CFAP54: variants seen among roughly 807,000 people sequenced by gnomAD.
The protein encoded by CFAP54 is cilia and flagella associated protein 54.
In CFAP54, 290 loss-of-function variants were observed where a neutral mutation model predicts 370.4. That is an observed-to-expected ratio of 0.78 (90% confidence interval 0.71 to 0.86). The LOEUF is 0.86. Ranked by LOEUF, CFAP54 falls within the 40% of genes least tolerant of loss-of-function variation. CFAP54 has a pLI of 0.00. For missense variants in CFAP54, 3,399 were observed against 3,528.7 expected (o/e 0.96, Z 0.93); for synonymous variants, 1,206 against 1,236.5 (o/e 0.98, Z 0.52).
intron 60 of CFAP54, among the ~76,000 whole-genome samples, chr12:96,776,242 T>A (rs1958517540): frequency 2.0e-5 from 3 of 152,046 alleles, no homozygotes; most frequent in Non-Finnish European, 4.4e-5. Flanking sequence ...GGTTCAACTT[T>A]AAGCAAATTT....
rs142336220 is a variant in CFAP54, at chr12:96,795,155, A to T, written c.8850+2656A>T. Among the ~76,000 whole-genome samples the T allele has an allele frequency of 3.4e-3, 523 of 152,294 alleles. 4 individuals are homozygous for T. The highest frequency in any genetic ancestry group is 0.012 in the African/African-American group (495 of 41,574). On this transcript the variant is annotated intron_variant, in intron 63 of 67. Transcript: ENST00000524981. ...TCTGGTGGAGGTAGTAGGGGAGTGA[A>T]GTGGATTCTGTGAAGGTCCTTGATT...
At chr12:96,594,220 C>T in intron 24 of CFAP54, 71 bp from the exon 25 acceptor site, 1 of 1,062,736 alleles carries the variant, frequency 9.4e-7, no homozygotes, top group Non-Finnish European at 1.3e-6. Flanking sequence ...CATTTTCTAC[C>T]CATTCTCCGT....
intron 66 of CFAP54, among the ~76,000 whole-genome samples, chr12:96,831,721 A>G (rs181805155): frequency 9.2e-5 from 14 of 152,270 alleles, no homozygotes; most frequent in East Asian, 3.9e-4. Flanking sequence ...AGGTGATGCT[A>G]TCTTCATCTG....
At chr12:96,841,191 G>A (rs1425854069) in intron 66 of CFAP54, among the ~76,000 whole-genome samples, 1 of 152,192 alleles carries the variant, frequency 6.6e-6, no homozygotes, top group African/African-American at 2.4e-5. Flanking sequence ...TGAACGTGAT[G>A]AGAAGTATAT....
At chr12:96,504,156 A>G (rs1955063805) in intron 3 of CFAP54, 127 bp downstream of exon 3, 1 of 847,292 alleles carries the variant, frequency 1.2e-6, no homozygotes, top group African/African-American at 1.8e-5. Context: ...TAAGTTGCTT[A>G]ATAAATACTT....
chr12:96,832,384 C>T (rs191340670), intron 66 of CFAP54, among the ~76,000 whole-genome samples: 24 of 151,924 alleles, frequency 1.6e-4, no homozygotes, highest in Admixed American at 4.6e-4. Context: ...GTTGGAATCT[C>T]GGCCTTGAGT....
intron 22 of CFAP54, among the ~76,000 whole-genome samples, chr12:96,583,976 T>A (rs1956053600): frequency 1.3e-5 from 2 of 152,202 alleles, no homozygotes; most frequent in South Asian, 4.1e-4. Context: ...CAGGTCTTCA[T>A]GATCTGTATT....
chr12:96,737,177 C>G (rs76310895), intron 50 of CFAP54, among the ~76,000 whole-genome samples: 1 of 151,920 alleles, frequency 6.6e-6, no homozygotes, highest in Non-Finnish European at 1.5e-5. Context: ...TGAAATGCCC[C>G]GACAAGCATT....
At chr12:96,826,508 T>C (rs1321289256) in intron 65 of CFAP54, among the ~76,000 whole-genome samples, 122 of 99,922 alleles carry the variant, frequency 1.2e-3, no homozygotes, top group African/African-American at 4.6e-3. Flanking sequence ...TATATCATGA[T>C]ATATAAATAT....
chr12:96,692,041 T>C (rs1316241518), intron 44 of CFAP54, among the ~76,000 whole-genome samples: 1 of 152,110 alleles, frequency 6.6e-6, no homozygotes, highest in African/African-American at 2.4e-5. Flanking sequence ...TCTGCTTTTT[T>C]CCCTTTCCTC....
Position 96,823,958 on chromosome 12 carries a change from C to T in CFAP54, c.9097-5056C>T, listed in dbSNP as rs1943222095. Among the ~76,000 whole-genome samples the T allele has an allele frequency of 2.0e-5, 3 of 151,924 alleles. No homozygotes were observed. In the South Asian group the frequency reaches 6.2e-4, roughly 32 times the overall value. On this transcript the variant is annotated intron_variant, in intron 65 of 67. Transcript: ENST00000524981. ...AAAGCAACTTAGGAAGTTTTTTCTC[C>T]CCCCACCCACATTATAGATGAAGGA... is the stretch of plus-strand genomic sequence containing the variant.
chr12:96,618,609 A>T lies in CFAP54; in HGVS notation c.3640-2981A>T, dbSNP rs376959279. ...AAGGGTGGGTTTCAAAGATTTGAGAATGGGTGGGTTTGGGCCGCCACTGAA... is the reference window on the plus strand; with the variant it reads ...AAGGGTGGGTTTCAAAGATTTGAGATTGGGTGGGTTTGGGCCGCCACTGAA... On this transcript the variant is annotated intron_variant, in intron 26 of 67. Transcript: ENST00000524981. Among the ~76,000 whole-genome samples, 17 of 59,944 alleles carry T rather than the reference A, an allele frequency of 2.8e-4. No individual in the cohort carries two copies. In the East Asian group the frequency reaches 0.025, roughly 89 times the overall value. The allele number at this position is 59,944 out of a possible 152,430, so 39.3% of individuals were successfully genotyped here.
At chr12:96,597,243 T>G (rs913405994) in intron 25 of CFAP54, among the ~76,000 whole-genome samples, 3 of 152,054 alleles carry the variant, frequency 2.0e-5, no homozygotes, top group Non-Finnish European at 4.4e-5. Context: ...GTAATTTATC[T>G]TATAGAATAA....
chr12:96,720,698 A>G (rs914614777), intron 50 of CFAP54, 133 bp downstream of exon 50: 99 of 778,492 alleles, frequency 1.3e-4, no homozygotes, highest in Non-Finnish European at 1.5e-4. Context: ...TTTATTATTC[A>G]GGGAAGTTTT....
chr12:96,629,126 C>T (rs1565920119), intron 30 of CFAP54, among the ~76,000 whole-genome samples: 1 of 152,040 alleles, frequency 6.6e-6, no homozygotes, highest in Non-Finnish European at 1.5e-5. Context: ...GTTACTTTTA[C>T]AGTATTCTCT....
intron 47 of CFAP54, among the ~76,000 whole-genome samples, chr12:96,706,515 A>T (rs1957549152): frequency 6.6e-6 from 1 of 152,158 alleles, no homozygotes; most frequent in African/African-American, 2.4e-5. Context: ...GAGCTCTGTG[A>T]ATGATGGGAG....
At chr12:96,632,836 T>A (rs990653811) in intron 32 of CFAP54, among the ~76,000 whole-genome samples, 8 of 152,036 alleles carry the variant, frequency 5.3e-5, no homozygotes, top group African/African-American at 1.4e-4. Context: ...AAATTATTTA[T>A]TTATTTATTT....
intron 5 of CFAP54, among the ~76,000 whole-genome samples, chr12:96,516,817 C>CTT (rs954105594): frequency 6.6e-6 from 1 of 152,144 alleles, no homozygotes; most frequent in African/African-American, 2.4e-5. Context: ...ATTACACAAA[C>CTT]TTTAAGTCCT....
intron 63 of CFAP54, among the ~76,000 whole-genome samples, chr12:96,806,505 A>G (rs1478977223): frequency 6.6e-6 from 1 of 151,964 alleles, no homozygotes; most frequent in Non-Finnish European, 1.5e-5. Flanking sequence ...GGAAGACTTT[A>G]TACCCCTAAT....
Sources: allele counts gnomAD v4.1 joint callset (sites outside exome capture counted in the v4.1 genomes callset), GRCh38; gene constraint gnomAD v4.1.1; transcripts MANE v1.5; gene names NCBI Gene and HGNC (gene_info 2026-07-23, HGNC 2026-07-21).